Variants in ORC4 observed in about 807,000 individuals in gnomAD.
ORC4 encodes origin recognition complex, subunit 4 homolog.
ORC4 carries 55 observed loss-of-function variants against 63.9 expected under a neutral mutation model. That is an observed-to-expected ratio of 0.86 (90% CI 0.69 to 1.08). The LOEUF (loss-of-function observed/expected upper bound fraction) is 1.08, where lower values mean the gene tolerates loss of function less well. Ranked by LOEUF, ORC4 falls within the 50% of genes least tolerant of loss-of-function variation. The pLI, the probability that ORC4 is intolerant of heterozygous loss-of-function variation, is 0.00. For missense variants in ORC4, 511 were observed against 504.4 expected, an observed-to-expected ratio of 1.01 and a Z score of -0.13; for synonymous variants, 150 against 168.5, an observed-to-expected ratio of 0.89 and a Z score of 0.85.
At chr2:147,955,504 TAG>T in intron 6 of ORC4, 109 bp from the exon 7 acceptor site, 1 of 764,048 alleles carries the variant, frequency 1.3e-6, no homozygotes, top group Non-Finnish European at 2.3e-6. Context: ...TTCTAGTTAT[TAG>T]AGTCATTGCC....
chr2:147,944,724 A>G lies in ORC4; in HGVS notation c.763-1202T>C, dbSNP rs568383641. Reference sequence around the variant, plus strand: ...AAAAAAAAAAAAAGCCCAGAAAACTAAGCATTTCTGTATTTTCTAGAGCTG... The same window carrying G: ...AAAAAAAAAAAAAGCCCAGAAAACTGAGCATTTCTGTATTTTCTAGAGCTG... On this transcript the variant is annotated intron_variant, in intron 9 of 13. Transcript: ENST00000392857. Among the ~76,000 whole-genome samples, 15 of 151,856 alleles carry G rather than the reference A, an allele frequency of 9.9e-5. No homozygotes were observed. The South Asian group carries it at 1.9e-3, about 19-fold the overall frequency.
In ORC4 at chr2:147,938,294, T is replaced by C. The variant is rs1487686888; in HGVS notation, c.1054+4A>G. On this transcript the variant is annotated splice_donor_region_variant and intron_variant, in intron 12 of 13. Transcript: ENST00000392857. ...AGAAAAAAGCTACTTAAGTCTCATC[T>C]CACCATTATAGACCATTTGAAAATT... The C allele has an allele frequency of 6.3e-7, 1 of 1,597,518 alleles. No homozygotes were observed. Among genetic ancestry groups the C allele is most frequent in the Admixed American group, 1.7e-5 (1 of 59,970 alleles).
At chr2:147,936,733 A>C (rs1688069489) in intron 13 of ORC4, 1 of 152,228 alleles carries the variant, frequency 6.6e-6, no homozygotes, top group Non-Finnish European at 1.5e-5. Context: ...TGAGAATTTA[A>C]ATGCAGGCTG....
At chr2:147,947,337 C>A (rs183380489) in intron 9 of ORC4, among the ~76,000 whole-genome samples, 3 of 152,094 alleles carry the variant, frequency 2.0e-5, no homozygotes, top group Admixed American at 1.3e-4. Context: ...TGATGTTTTT[C>A]AATTATATTA....
chr2:147,957,235 T>C (rs1357224588), intron 6 of ORC4, among the ~76,000 whole-genome samples: 1 of 147,280 alleles, frequency 6.8e-6, no homozygotes, highest in Admixed American at 6.8e-5. Flanking sequence ...ATTATATAAT[T>C]ATATAATTAA....
chr2:147,982,609 C>T (rs1265239216), intron 1 of ORC4, among the ~76,000 whole-genome samples: 1 of 152,136 alleles, frequency 6.6e-6, no homozygotes, highest in Non-Finnish European at 1.5e-5. Context: ...ATTTTTTCTT[C>T]ATGTGGGGCC....
intron 7 of ORC4, among the ~76,000 whole-genome samples, chr2:147,954,622 C>A (rs1337288196): frequency 6.6e-6 from 1 of 152,060 alleles, no homozygotes; most frequent in Non-Finnish European, 1.5e-5. Context: ...CATGACTGTA[C>A]ATAAACCAGG....
chr2:147,984,683 T>C (rs766673517), intron 1 of ORC4, among the ~76,000 whole-genome samples: 41 of 152,250 alleles, frequency 2.7e-4, no homozygotes, highest in Non-Finnish European at 4.7e-4. Context: ...ACAAAAATTA[T>C]AGGAATTGTA....
At chr2:147,955,609 T>C (rs900249709) in intron 6 of ORC4, among the ~76,000 whole-genome samples, 1 of 151,970 alleles carries the variant, frequency 6.6e-6, no homozygotes, top group African/African-American at 2.4e-5. Context: ...TACAATGTCA[T>C]CTTTGAAATT....
At chr2:148,016,920 A>G (rs1039551209) in intron 1 of ORC4, among the ~76,000 whole-genome samples, 14 of 152,250 alleles carry the variant, frequency 9.2e-5, no homozygotes, top group South Asian at 2.1e-4. Flanking sequence ...AAGTAAAACA[A>G]CCACAAATCT....
upstream of ORC4, chr2:148,020,922 C>T (rs1186328280): frequency 6.6e-6 from 1 of 152,508 alleles, no homozygotes; most frequent in Non-Finnish European, 1.5e-5. Context: ...GCTCCTGTAC[C>T]TCCCGCTACA....
At chr2:148,004,678 T>C (rs894285828) in intron 1 of ORC4, among the ~76,000 whole-genome samples, 3 of 151,940 alleles carry the variant, frequency 2.0e-5, no homozygotes, top group African/African-American at 7.3e-5. Flanking sequence ...ACCTAGGCAA[T>C]ATCATTCAGG....
chr2:147,990,456 T>G (rs527749688), intron 1 of ORC4, among the ~76,000 whole-genome samples: 2 of 152,306 alleles, frequency 1.3e-5, no homozygotes, highest in African/African-American at 2.4e-5. Flanking sequence ...AATGGTTGAG[T>G]GTGGGGAGAA....
At chr2:147,935,727 G>A in intron 13 of ORC4, 29 bp from the exon 14 acceptor site, 2 of 1,573,612 alleles carry the variant, frequency 1.3e-6, no homozygotes, top group Non-Finnish European at 1.7e-6. Flanking sequence ...AGTTTAGGTT[G>A]AATAGGAGAG....
chr2:147,975,866 T>C (rs769181534), intron 2 of ORC4, 36 bp downstream of exon 2: 1 of 1,205,090 alleles, frequency 8.3e-7, no homozygotes, highest in South Asian at 1.2e-5. Context: ...CTTTACAGGG[T>C]AAAATATCTT....
intron 7 of ORC4, among the ~76,000 whole-genome samples, chr2:147,954,667 A>G (rs1689145811): frequency 6.6e-6 from 1 of 152,330 alleles, no homozygotes; most frequent in East Asian, 1.9e-4. Context: ...TGAAATGACA[A>G]GCATCACCAC....
intron 1 of ORC4, among the ~76,000 whole-genome samples, chr2:147,993,546 A>G (rs1194634382): frequency 6.6e-6 from 1 of 152,230 alleles, no homozygotes; most frequent in Non-Finnish European, 1.5e-5. Context: ...AGAGTCAACG[A>G]AACGATATTC....
intron 7 of ORC4, 76 bp from the exon 8 acceptor site, chr2:147,952,600 T>G: frequency 8.3e-7 from 1 of 1,210,450 alleles, no homozygotes; most frequent in East Asian, 2.3e-5. Flanking sequence ...ATTTACTATA[T>G]TTCAGTTTTT....
At position 147,930,477 on chromosome 2, in the gene ORC4, C is replaced by T. The variant is rs1319137035; in HGVS notation, c.*5033G>A. The T allele has an allele frequency of 2.0e-5, 3 of 150,954 alleles. No homozygotes were observed. Among genetic ancestry groups the T allele is most frequent in the Non-Finnish European group, 1.5e-5 (1 of 67,690 alleles). 9.4% of individuals were successfully genotyped at this position (150,954 alleles called of 1,614,324 possible). ...GTATGATATGCATAAAATTATTTAT[C>T]CATTTATGGGCAAAATGATACAAGT... On this transcript the variant is annotated 3_prime_UTR_variant, in exon 14 of 14. Transcript: ENST00000392857.
Sources: gnomAD v4.1 joint callset for allele counts (sites outside exome capture counted in the v4.1 genomes callset) on GRCh38, gnomAD v4.1.1 for gene constraint, MANE v1.5 for transcripts, NCBI Gene and HGNC (gene_info 2026-07-23, HGNC 2026-07-21) for gene names.